The following MGST1 variants were observed in gnomAD, a reference collection of about 807,000 sequenced individuals.
MGST1 encodes the protein microsomal glutathione S-transferase 1.
Under a neutral mutation model 8.9 loss-of-function variants are expected in MGST1, and 5 were observed. The observed-to-expected ratio is 0.56, with a 90% confidence interval of 0.29 to 1.19. MGST1 has a LOEUF of 1.19. Among genes scored for constraint, MGST1 ranks in the 50% most tolerant of loss-of-function variants. MGST1 has a pLI of 0.08. For synonymous variants in MGST1, 54 were observed against 67.8 expected (o/e 0.80, Z 1.00); for missense variants, 182 against 187.4 (o/e 0.97, Z 0.17).
At chr12:16,440,417 G>T (rs1338503401), downstream of MGST1, among the ~76,000 whole-genome samples, 1 of 151,642 alleles carries the variant, frequency 6.6e-6, no homozygotes, top group African/African-American at 2.4e-5. Context: ...TGCCACTAGA[G>T]GTAACTTCTT....
intron 1 of MGST1, among the ~76,000 whole-genome samples, chr12:16,421,801 C>T (rs1198435757): frequency 3.3e-5 from 5 of 152,108 alleles, no homozygotes; most frequent in Admixed American, 1.3e-4. Context: ...GAGACAAATC[C>T]GTACTTGGAA....
Position 16,587,995 on chromosome 12 carries a change from CCTGT to C in MGST1, n.483-1530_483-1527del, listed in dbSNP as rs1248269389. Among the ~76,000 whole-genome samples, 3 of 151,886 alleles carry C rather than the reference CCTGT, an allele frequency of 2.0e-5. No homozygotes were observed. The highest frequency in any genetic ancestry group is 6.6e-5 in the Admixed American group (1 of 15,216). On this transcript the variant is annotated intron_variant and non_coding_transcript_variant, in intron 4 of 4. Coordinates refer to the MGST1 transcript ENST00000538857. The surrounding 1 kb of genome is among the most constrained non-coding windows in gnomAD (Gnocchi z 4.3). ...AAGTCCCTTTCTTTCAGATAATTAC[CCTGT>C]CTTTCTCTTACGACTTCTTTCCCAA...
At chr12:16,468,377 A>G (rs1213445448) in intron 4 of MGST1, among the ~76,000 whole-genome samples, 1 of 123,250 alleles carries the variant, frequency 8.1e-6, no homozygotes, top group East Asian at 2.5e-4. Context: ...GGCTGAAATG[A>G]CTTCATTTGT....
intron 1 of MGST1, among the ~76,000 whole-genome samples, chr12:16,423,222 T>A (rs1940853356): frequency 6.6e-6 from 1 of 152,220 alleles, no homozygotes; most frequent in Non-Finnish European, 1.5e-5. Flanking sequence ...TTGTTTCATG[T>A]GGGAGCATAC....
chr12:16,446,603 G>C (rs1941082123), intron 4 of MGST1, among the ~76,000 whole-genome samples: 1 of 151,906 alleles, frequency 6.6e-6, no homozygotes, highest in African/African-American at 2.4e-5. Context: ...CCAGTCCTGT[G>C]TTAATTGAGA....
chr12:16,554,805 C>T (rs1310232795), intron 4 of MGST1, among the ~76,000 whole-genome samples: 2 of 152,130 alleles, frequency 1.3e-5, no homozygotes, highest in Non-Finnish European at 2.9e-5. Context: ...TACAGGCGCC[C>T]GCCACCTCGA....
intron 1 of MGST1, among the ~76,000 whole-genome samples, chr12:16,434,187 A>G (rs2137096507): frequency 6.6e-6 from 1 of 152,244 alleles, no homozygotes; most frequent in East Asian, 1.9e-4. Flanking sequence ...ATGAGCAGAT[A>G]AATGAATGAA....
chr12:16,449,151 T>C (rs528677622), intron 4 of MGST1, among the ~76,000 whole-genome samples: 1 of 152,082 alleles, frequency 6.6e-6, no homozygotes, highest in East Asian at 1.9e-4. Context: ...AGAGGCTTAA[T>C]TGGCCCACAG....
intron 1 of MGST1, among the ~76,000 whole-genome samples, chr12:16,418,392 G>A (rs972382340): frequency 6.6e-6 from 1 of 152,136 alleles, no homozygotes; most frequent in Non-Finnish European, 1.5e-5. Flanking sequence ...CGAAGGTAAA[G>A]CAGGGAAGAT....
At chr12:16,408,688 T>G (rs1350873094) in intron 1 of MGST1, among the ~76,000 whole-genome samples, 1 of 152,156 alleles carries the variant, frequency 6.6e-6, no homozygotes, top group Non-Finnish European at 1.5e-5. Context: ...CTGGAAAACT[T>G]TTAGCTATTA....
intron 4 of MGST1, among the ~76,000 whole-genome samples, chr12:16,492,639 C>T (rs926145437): frequency 4.6e-5 from 7 of 152,154 alleles, no homozygotes; most frequent in Non-Finnish European, 8.8e-5. Context: ...AGTGATAATA[C>T]TGTCAGAGAC....
chr12:16,520,428 A>G (rs753198965), intron 4 of MGST1, among the ~76,000 whole-genome samples: 1 of 151,836 alleles, frequency 6.6e-6, no homozygotes, highest in Non-Finnish European at 1.5e-5. Context: ...AGGAAGCCTA[A>G]TGATGGAGTT....
intron 1 of MGST1, among the ~76,000 whole-genome samples, chr12:16,391,125 TC>T (rs796756224): frequency 2.1e-5 from 3 of 144,556 alleles, no homozygotes; most frequent in African/African-American, 7.9e-5. Flanking sequence ...AATGTCTATG[TC>T]CTTTGCCCAC....
chr12:16,353,753 C>T (rs7962259), intron 1 of MGST1, among the ~76,000 whole-genome samples: 13,557 of 135,162 alleles, frequency 0.1, 823 homozygotes, highest in East Asian at 0.21. Flanking sequence ...TATAATATTG[C>T]ATACTTTTTT....
rs76434296 is a variant in MGST1 at position 16,490,917 on chromosome 12, G to C, written n.483-98611G>C. On this transcript the variant is annotated intron_variant and non_coding_transcript_variant, in intron 4 of 4. Transcript: ENST00000538857. ...GATTTATTAAGTACTTTCAAGATCT[G>C]AATTACTCAAATGGGTAGAATTAGC... 7.6e-3 allele frequency among the ~76,000 whole-genome samples: 1,157 copies of C among 152,238 alleles called. 21 individuals are homozygous for C. The highest frequency in any genetic ancestry group is 0.026 in the African/African-American group (1,084 of 41,538).
intron 1 of MGST1, among the ~76,000 whole-genome samples, chr12:16,415,007 A>G (rs908431426): frequency 6.6e-6 from 1 of 152,090 alleles, no homozygotes; most frequent in Non-Finnish European, 1.5e-5. Flanking sequence ...TTGGCCAACA[A>G]GAGCAAAACT....
At position 16,363,873 on chromosome 12, in the gene MGST1, C is replaced by G. The variant is rs1255620252; in HGVS notation, c.300C>G (p.Pro100=). The change falls in exon 4 of 4, where the codon CCC becomes CCG. Residue 100 remains proline, a synonymous_variant. Coordinates refer to ENST00000396210, the MANE Select transcript of MGST1 (RefSeq NM_020300.5). The surrounding 1 kb of genome is among the most constrained non-coding windows in gnomAD (Gnocchi z 4.6). ...TGTATTCCTTGAGTGGTCCCGACCC[C>G]TCTACAGCCATCCTGCACTTCAGAC... ...GLLYSLSGPD[P]STAILHFRLF... is the part of the protein sequence containing the mutation. 3 of 1,613,818 alleles carry G rather than the reference C, an allele frequency of 1.9e-6. No individual in the cohort carries two copies. In the African/African-American group the frequency reaches 4.0e-5, roughly 22 times the overall value.
chr12:16,439,080 G>T (rs1411074097), downstream of MGST1, among the ~76,000 whole-genome samples: 3 of 150,434 alleles, frequency 2.0e-5, no homozygotes, highest in Non-Finnish European at 4.4e-5. Flanking sequence ...ACTTCTTAGT[G>T]TAATATAAAT....
intron 4 of MGST1, among the ~76,000 whole-genome samples, chr12:16,492,483 A>T (rs1423366586): frequency 6.6e-6 from 1 of 152,156 alleles, no homozygotes; most frequent in East Asian, 1.9e-4. Context: ...TACATCTTTT[A>T]GTCACATTAA....
Sources: allele counts gnomAD v4.1 joint callset (sites outside exome capture counted in the v4.1 genomes callset), GRCh38; gene constraint gnomAD v4.1.1; non-coding constraint Gnocchi (gnomAD v3.1); transcripts MANE v1.5; gene names NCBI Gene and HGNC (gene_info 2026-07-23, HGNC 2026-07-21).